Variants in RYR1 observed in about 807,000 individuals in gnomAD.
The protein encoded by RYR1 is central core disease of muscle.
A neutral mutation model predicts 583.5 loss-of-function variants in RYR1; 342 were observed. That is an observed-to-expected ratio of 0.59 (90% CI 0.54 to 0.64). The LOEUF (loss-of-function observed/expected upper bound fraction) is 0.64, where lower values mean the gene tolerates loss of function less well. RYR1 is among the 30% of genes least tolerant of loss of function. RYR1 has a pLI of 0.00. For missense variants in RYR1, 6,032 were observed against 6,917.2 expected, an observed-to-expected ratio of 0.87 and a Z score of 4.54; for synonymous variants, 2,791 against 2,822.5, an observed-to-expected ratio of 0.99 and a Z score of 0.35.
Position 38,517,607 on chromosome 19 carries a change from C to G in RYR1, c.9934C>G (p.Leu3312Val), listed in dbSNP as rs1351363857. The change falls in exon 66 of 106, where the codon CTC (leucine) becomes GTC (valine). Residue 3312 changes from leucine (L) to valine (V), a missense_variant. Physicochemically the swap from Leu to Val is conservative, Grantham distance 32 (BLOSUM62 1). Transcript: ENST00000359596. ...CTGCACAGCTGTCACCTCTGACCAC[C>G]TCAACTCCCTGCTGGGGAATATCCT... ...PPCTAVTSDH[L>V]NSLLGNILRI... The G allele has an allele frequency of 3.7e-6, 6 of 1,614,112 alleles. No homozygotes were observed. The African/African-American group carries it at 8.0e-5, about 22-fold the overall frequency.
intron 94 of RYR1, among the ~76,000 whole-genome samples, chr19:38,571,036 T>C (rs1271025496): frequency 6.6e-6 from 1 of 152,234 alleles, no homozygotes; most frequent in African/African-American, 2.4e-5. Context: ...TTAAGCATCT[T>C]TGGTTTCACA....
chr19:38,447,078 G>T (rs989174464), intron 9 of RYR1, among the ~76,000 whole-genome samples: 1 of 152,092 alleles, frequency 6.6e-6, no homozygotes, highest in African/African-American at 2.4e-5. Flanking sequence ...TAAAGAATTA[G>T]CCGGGTGTGG....
intron 11 of RYR1, 110 bp downstream of exon 11, chr19:38,448,923 G>A: frequency 9.3e-7 from 1 of 1,080,326 alleles, no homozygotes; most frequent in South Asian, 1.3e-5. Flanking sequence ...CAGCCTGGGT[G>A]ACAGAGTGAG....
intron 97 of RYR1, 142 bp downstream of exon 97, chr19:38,576,103 A>C: frequency 3.6e-6 from 3 of 842,926 alleles, no homozygotes; most frequent in Non-Finnish European, 6.1e-6. Context: ...CAGTTTCCCC[A>C]TGGGGAGATG....
Position 38,505,009 on chromosome 19 carries a change from C to G in RYR1, c.8238C>G (p.Ile2746Met). The change falls in exon 52 of 106, where the codon ATC (isoleucine) becomes ATG (methionine). Residue 2746 changes from isoleucine (I) to methionine (M), a missense_variant. Ile to Met is a conservative substitution (Grantham distance 10). Around this residue, in one of 11 missense-constraint regions of RYR1, gnomAD observed 1,493 missense variants for 1,715.5 expected, o/e 0.87. Transcript: ENST00000359596. ...DPRPVETLNVIIPEKLDSFIN... is the reference protein window; with the variant it reads ...DPRPVETLNVMIPEKLDSFIN... ...GACCCTGTGCCCCCAACAGTGTGAT[C>G]ATCCCGGAGAAGCTGGACTCCTTCA... 1 of 1,614,166 alleles carries G rather than the reference C, an allele frequency of 6.2e-7. No homozygotes were observed. Among genetic ancestry groups the G allele is most frequent in the Non-Finnish European group, 8.5e-7 (1 of 1,180,016 alleles).
rs200301830 is a variant in RYR1 at position 38,499,872 on chromosome 19, C to T, written c.7215-36C>T. The T allele has an allele frequency of 1.0e-3, 1,684 of 1,613,072 alleles. 1 individual carries two copies. The highest frequency in any genetic ancestry group is 1.4e-3 in the Admixed American group (82 of 60,022). On this transcript the variant is annotated intron_variant, in intron 44 of 105. Coordinates refer to ENST00000359596, the MANE Select transcript of RYR1 (RefSeq NM_000540.3). This position sits in a 1 kb window ranked among gnomAD's most constrained non-coding sequence, Gnocchi z 7.3. ...TAGGGCAACCCGCCCTCCCTGGCCC[C>T]TGGCTGCCTCCCCAACCCACCCACC... is the stretch of plus-strand genomic sequence containing the variant.
Position 38,565,894 on chromosome 19 carries a change from C to T in RYR1, c.13437+123C>T. ...TGGCTAGGGGGATGGGCACACGCAC[C>T]CACGGAGGACGCACCCATGGAGGAC... On this transcript the variant is annotated intron_variant, in intron 91 of 105. Transcript: ENST00000359596. The surrounding 1 kb of genome is among the most constrained non-coding windows in gnomAD (Gnocchi z 4.7). 1.8e-6 allele frequency: 2 copies of T among 1,128,970 alleles called. No homozygotes were observed. Among genetic ancestry groups the T allele is most frequent in the Non-Finnish European group, 2.3e-6 (2 of 874,704 alleles). The allele number at this position is 1,128,970 out of a possible 1,614,324, so 69.9% of individuals were successfully genotyped here.
In RYR1 at chr19:38,502,826, G is replaced by GGCAGCA. The variant is rs1970245413; in HGVS notation, c.7836-52_7836-47dup. The GGCAGCA allele has an allele frequency of 1.0e-5, 16 of 1,549,412 alleles. No individual in the cohort carries two copies. In the East Asian group the frequency reaches 1.6e-4, roughly 16 times the overall value. ...GGGCAGGGGGAGGAGCAGGGGCAGG[G>GGCAGCA]GCAGCAGAGCGGGCCTGGACGGGGG... On this transcript the variant is annotated intron_variant, in intron 48 of 105. Coordinates refer to ENST00000359596, the MANE Select transcript of RYR1 (RefSeq NM_000540.3).
chr19:38,446,402 C>A, intron 7 of RYR1, 70 bp from the exon 8 acceptor site: 1 of 1,211,834 alleles, frequency 8.3e-7, no homozygotes, highest in Non-Finnish European at 1.2e-6. Context: ...GGGCCCCTGA[C>A]TTCATCTTGG....
rs553168266 is a variant in RYR1, at chr19:38,462,891, C to CTTTTT, written c.2578-514_2578-510dup. 7.2e-3 allele frequency among the ~76,000 whole-genome samples: 570 copies of CTTTTT among 78,704 alleles called. 9 individuals are homozygous for CTTTTT. Among genetic ancestry groups the CTTTTT allele is most frequent in the Admixed American group, 0.01 (57 of 5,446 alleles). 51.6% of individuals were successfully genotyped at this position (78,704 alleles called of 152,430 possible). ...AGATAATTCCTTAATACTCTCTCTT[C>CTTTTT]TTTTTTTTTTTTTTTTTTTTTTGGA... On this transcript the variant is annotated intron_variant, in intron 20 of 105. Transcript: ENST00000359596.
chr19:38,511,707 T>A (rs1726282032), intron 61 of RYR1, 97 bp downstream of exon 61: 3 of 1,404,916 alleles, frequency 2.1e-6, no homozygotes, highest in Non-Finnish European at 2.0e-6. Context: ...GAACAACCTT[T>A]GTTGTTTTCT....
At position 38,528,633 on chromosome 19, in the gene RYR1, A is replaced by G. The variant is rs910459883; in HGVS notation, c.10972A>G (p.Lys3658Glu). The part of the protein sequence containing the change: ...RACNMFLESY[K>E]AAWILTEDHS... ...ATGTAACATGTTCCTGGAGAGCTAC[A>G]AGGCTGCATGGATCCTGACTGAAGA... Residue 3658 changes from lysine to glutamate, a missense_variant, in exon 75 of 106, where the codon AAG becomes GAG. Transcript: ENST00000359596. 2 of 1,614,134 alleles carry G rather than the reference A, an allele frequency of 1.2e-6. No individual in the cohort carries two copies. The highest frequency in any genetic ancestry group is 1.3e-5 in the African/African-American group (1 of 75,036).
intron 96 of RYR1, among the ~76,000 whole-genome samples, chr19:38,575,124 C>T (rs540134099): frequency 6.6e-6 from 1 of 151,830 alleles, no homozygotes; most frequent in Non-Finnish European, 1.5e-5. Flanking sequence ...GAATAAAGGG[C>T]CAGAATCATG....
chr19:38,483,439 C>T lies in RYR1; in HGVS notation c.4857C>T (p.Ala1619=), dbSNP rs752119672. Residue 1619 remains alanine (A), a synonymous_variant, in exon 33 of 106, where the codon GCC becomes GCT. Transcript: ENST00000359596. The surrounding 1 kb of genome is among the most constrained non-coding windows in gnomAD (Gnocchi z 6.3). ...TCCTGCAGGTGGAGACGAGGCGTGC[C>T]GGCGAGCGGCTGGGCTGGGCCGTGC... is the stretch of plus-strand genomic sequence containing the variant. ...NHFLQVETRR[A]GERLGWAVQC... is the part of the protein sequence containing the mutation. The T allele has an allele frequency of 3.2e-5, 50 of 1,574,502 alleles. No individual in the cohort carries two copies. The highest frequency in any genetic ancestry group is 4.6e-5 in the East Asian group (2 of 43,410).
Position 38,494,530 on chromosome 19 carries a change from C to T in RYR1, c.6453C>T (p.Asp2151=). The change falls in exon 39 of 106, where the codon GAC becomes GAT. Residue 2151 remains aspartate (D), a synonymous_variant. Transcript: ENST00000359596. ...CCATCTCACCGTCCTCCGTGGAAGA[C>T]ACCATGAGCCTGCTCGAGTGCCTCG... ...AYTISPSSVE[D]TMSLLECLGQ... is the part of the protein sequence containing the mutation. 1 of 1,613,998 alleles carries T rather than the reference C, an allele frequency of 6.2e-7. No homozygotes were observed. Among genetic ancestry groups the T allele is most frequent in the Non-Finnish European group, 8.5e-7 (1 of 1,180,036 alleles).
chr19:38,462,867 G>A (rs1401729961), intron 20 of RYR1, among the ~76,000 whole-genome samples: 1 of 142,400 alleles, frequency 7.0e-6, no homozygotes, highest in East Asian at 2.1e-4. Context: ...ACCCGTCCCA[G>A]ATAATTCCTT....
chr19:38,442,537 G>A (rs1972743209), intron 3 of RYR1, 84 bp downstream of exon 3: 2 of 941,040 alleles, frequency 2.1e-6, no homozygotes, highest in Admixed American at 1.8e-5. Context: ...TGGCAAGGAT[G>A]GGTGAGAGGA....
Position 38,464,681 on chromosome 19 carries a change from G to A in RYR1, c.2829G>A (p.Glu943=), listed in dbSNP as rs2145439502. Residue 943 remains glutamate, a synonymous_variant, in exon 23 of 106, where the codon GAG becomes GAA. Transcript: ENST00000359596. ...GCTGCCACGTGGGCATGGCGGATGA[G>A]AAGGCGGAGGACAACCTGAAGAAGA... ...ALGCHVGMAD[E]KAEDNLKKTK... 2 of 1,593,814 alleles carry A rather than the reference G, an allele frequency of 1.3e-6. No individual in the cohort carries two copies. The highest frequency in any genetic ancestry group is 1.7e-6 in the Non-Finnish European group (2 of 1,170,442).
In RYR1 at chr19:38,463,701, G is replaced by T. The variant is rs753062891; in HGVS notation, c.2683-46G>T. The T allele has an allele frequency of 4.1e-5, 65 of 1,568,610 alleles. No individual in the cohort carries two copies. The Admixed American group carries it at 4.3e-4, about 10-fold the overall frequency. On this transcript the variant is annotated intron_variant, in intron 21 of 105. Coordinates refer to ENST00000359596, the MANE Select transcript of RYR1 (RefSeq NM_000540.3). Reference sequence around the variant, plus strand: ...GTCATAGTCTGGGCATGTGGGGAGTGGGAAGGAAAGGGGAGCACATGGAGT... The same window carrying T: ...GTCATAGTCTGGGCATGTGGGGAGTTGGAAGGAAAGGGGAGCACATGGAGT...
Sources: gnomAD v4.1 joint callset for allele counts (sites outside exome capture counted in the v4.1 genomes callset) on GRCh38, gnomAD v4.1.1 for gene constraint, gnomAD v4.1.1 regional missense constraint, Gnocchi (gnomAD v3.1) non-coding constraint, MANE v1.5 for transcripts, NCBI Gene and HGNC (gene_info 2026-07-23, HGNC 2026-07-21) for gene names.